RAD54L2: variants seen among roughly 807,000 people sequenced by gnomAD.
The protein encoded by RAD54L2 is RAD54 like 2.
RAD54L2 carries 27 observed loss-of-function variants against 138.4 expected under a neutral mutation model. That is an observed-to-expected ratio of 0.20 (90% confidence interval 0.14 to 0.27). The LOEUF is 0.27. Ranked by LOEUF, RAD54L2 falls within the 10% of genes least tolerant of loss-of-function variation. The pLI, the probability that RAD54L2 is intolerant of heterozygous loss-of-function variation, is 1.00. For missense variants in RAD54L2, 1,396 were observed against 1,890.2 expected (o/e 0.74, Z 4.85); for synonymous variants, 644 against 723.2 (o/e 0.89, Z 1.76).
intron 2 of RAD54L2, among the ~76,000 whole-genome samples, chr3:51,553,960 C>CT (rs942017809): frequency 6.6e-6 from 1 of 152,150 alleles, no homozygotes; most frequent in African/African-American, 2.4e-5. Flanking sequence ...TAACAATCAC[C>CT]TGAGCCTTCA....
intron 3 of RAD54L2, among the ~76,000 whole-genome samples, chr3:51,623,393 C>T (rs567191894): frequency 1.1e-4 from 17 of 152,242 alleles, no homozygotes; most frequent in Non-Finnish European, 2.4e-4. Context: ...TGCTCCCAGA[C>T]CATTCAATGT....
Position 51,594,860 on chromosome 3 carries a change from C to CTTTTTTT in RAD54L2, c.139+4326_139+4332dup. On this transcript the variant is annotated intron_variant, in intron 3 of 22. Coordinates refer to ENST00000684192, the MANE Select transcript of RAD54L2 (RefSeq NM_015106.4). Reference sequence around the variant, plus strand: ...ATAGGCAACATGGAATTGATGGGCGCTTTTTTTTTTTTTTTTTTTTTTTTT... The same window carrying CTTTTTTT: ...ATAGGCAACATGGAATTGATGGGCGCTTTTTTTTTTTTTTTTTTTTTTTTTTTTTTTT... Among the ~76,000 whole-genome samples the CTTTTTTT allele has an allele frequency of 4.2e-4, 14 of 33,600 alleles. 4 individuals are homozygous for CTTTTTTT. Among genetic ancestry groups the CTTTTTTT allele is most frequent in the Non-Finnish European group, 7.2e-4 (13 of 18,170 alleles). The allele number at this position is 33,600 out of a possible 152,430, so 22.0% of individuals were successfully genotyped here.
chr3:51,585,452 G>T (rs1035004992), intron 2 of RAD54L2, among the ~76,000 whole-genome samples: 1 of 152,150 alleles, frequency 6.6e-6, no homozygotes, highest in African/African-American at 2.4e-5. Flanking sequence ...CGTCTGCTTT[G>T]TGAACAAAGG....
At chr3:51,648,130 C>T (rs1701332584) in intron 19 of RAD54L2, among the ~76,000 whole-genome samples, 3 of 152,226 alleles carry the variant, frequency 2.0e-5, no homozygotes, top group Admixed American at 1.3e-4. Context: ...GCAAACGGCA[C>T]ACCAGGAGAT....
At chr3:51,603,994 G>A (rs1042309657) in intron 3 of RAD54L2, among the ~76,000 whole-genome samples, 1 of 152,206 alleles carries the variant, frequency 6.6e-6, no homozygotes, top group Non-Finnish European at 1.5e-5. Flanking sequence ...GGATAAAGTA[G>A]GGAAACCAGC....
rs1577447954 is a variant in RAD54L2 at position 51,637,611 on chromosome 3, C to T, written c.1682+108C>T. The T allele has an allele frequency of 1.0e-5, 11 of 1,090,448 alleles. No homozygotes were observed. The East Asian group carries it at 2.1e-4, about 21-fold the overall frequency. 67.5% of individuals were successfully genotyped at this position (1,090,448 alleles called of 1,614,324 possible). ...GGGTGTTGGAGTAGGAGGGCCCCTT[C>T]CCTGGGGCAGTAGTAAAACTTTGCT... is the stretch of plus-strand genomic sequence containing the variant. On this transcript the variant is annotated intron_variant, in intron 11 of 22. Coordinates refer to ENST00000684192, the MANE Select transcript of RAD54L2 (RefSeq NM_015106.4). This position sits in a 1 kb window ranked among gnomAD's most constrained non-coding sequence, Gnocchi z 5.9.
rs1457518294 is a variant in RAD54L2 at position 51,562,355 on chromosome 3, C to T, written c.-55+20705C>T. Among the ~76,000 whole-genome samples, 6 of 152,302 alleles carry T rather than the reference C, an allele frequency of 3.9e-5. No individual in the cohort carries two copies. The East Asian group carries it at 1.2e-3, about 29-fold the overall frequency. ...CAAGCAATTCTCCCGCCTCAGCCTC[C>T]CAAGTAGCTGGGATTACAGGCACCC... is the stretch of plus-strand genomic sequence containing the variant. On this transcript the variant is annotated intron_variant, in intron 2 of 22. Transcript: ENST00000684192.
chr3:51,594,334 A>G (rs867680197), intron 3 of RAD54L2, among the ~76,000 whole-genome samples: 3 of 151,994 alleles, frequency 2.0e-5, no homozygotes, highest in South Asian at 2.1e-4. Context: ...TGGCCTCCCA[A>G]AGTGCTGGGA....
intron 3 of RAD54L2, among the ~76,000 whole-genome samples, chr3:51,602,425 C>T (rs1453022385): frequency 6.6e-6 from 1 of 152,204 alleles, no homozygotes; most frequent in Non-Finnish European, 1.5e-5. Context: ...TACGTGACTA[C>T]TCTCCAGCCC....
At position 51,645,884 on chromosome 3, in the gene RAD54L2, A is replaced by G. The variant is rs1009581698; in HGVS notation, c.2829+121A>G. 7.2e-6 allele frequency: 8 copies of G among 1,117,904 alleles called. No homozygotes were observed. The highest frequency in any genetic ancestry group is 8.7e-6 in the Non-Finnish European group (7 of 800,576). 69.2% of individuals were successfully genotyped at this position (1,117,904 alleles called of 1,614,324 possible). On this transcript the variant is annotated intron_variant, in intron 18 of 22. Transcript: ENST00000684192. The surrounding 1 kb of genome is among the most constrained non-coding windows in gnomAD (Gnocchi z 6.1). ...TCATGCAGGTGACTTGGACTCAAGG[A>G]CTTCTTTTTCTTGCCCCACTCAGTC...
intron 7 of RAD54L2, 115 bp downstream of exon 7, chr3:51,631,046 C>A: frequency 2.0e-6 from 2 of 1,013,810 alleles, no homozygotes; most frequent in Non-Finnish European, 2.9e-6. Flanking sequence ...GTACCAAGAG[C>A]AGCTTGTTCA....
intron 3 of RAD54L2, among the ~76,000 whole-genome samples, chr3:51,594,322 C>G (rs988783043): frequency 2.0e-5 from 3 of 152,132 alleles, no homozygotes; most frequent in Admixed American, 2.0e-4. Flanking sequence ...ATCCTCCTGC[C>G]TTGGCCTCCC....
intron 1 of RAD54L2, among the ~76,000 whole-genome samples, chr3:51,539,712 A>G (rs567425637): frequency 3.3e-5 from 5 of 152,248 alleles, no homozygotes; most frequent in African/African-American, 1.2e-4. Context: ...TGGGAGATGA[A>G]CAAGGAAACT....
intron 21 of RAD54L2, among the ~76,000 whole-genome samples, chr3:51,658,313 T>G (rs1701661763): frequency 2.0e-5 from 3 of 151,756 alleles, no homozygotes; most frequent in Non-Finnish European, 4.4e-5. Flanking sequence ...AGCGGTGGAA[T>G]GGGTTATAAG....
Position 51,638,854 on chromosome 3 carries a change from CAA to C in RAD54L2, c.1860+534_1860+535del, listed in dbSNP as rs950465278. 3 of 158,876 alleles carry C rather than the reference CAA, an allele frequency of 1.9e-5. No homozygotes were observed. The highest frequency in any genetic ancestry group is 7.2e-5 in the African/African-American group (3 of 41,442). The allele number at this position is 158,876 out of a possible 1,614,324, so 9.8% of individuals were successfully genotyped here. The stretch of plus-strand genomic sequence containing the variant: ...TCAGCAGAAGGTATGTGTCTGGGGA[CAA>C]GAGGGGTTTCCAAATATTTCTTTTA... On this transcript the variant is annotated intron_variant, in intron 12 of 22. Coordinates refer to ENST00000684192, the MANE Select transcript of RAD54L2 (RefSeq NM_015106.4). This position sits in a 1 kb window ranked among gnomAD's most constrained non-coding sequence, Gnocchi z 4.3.
chr3:51,569,634 G>T (rs1281615056), intron 2 of RAD54L2, among the ~76,000 whole-genome samples: 1 of 151,990 alleles, frequency 6.6e-6, no homozygotes, highest in African/African-American at 2.4e-5. Context: ...CGCCTGCCTT[G>T]GCCTCCCAAA....
At chr3:51,584,557 G>A (rs1475994106) in intron 2 of RAD54L2, among the ~76,000 whole-genome samples, 1 of 151,064 alleles carries the variant, frequency 6.6e-6, no homozygotes, top group African/African-American at 2.4e-5. Context: ...AGTCCATAGT[G>A]GATCTCTCAG....
Position 51,639,658 on chromosome 3 carries a change from C to G in RAD54L2, c.2100C>G (p.Val700=), listed in dbSNP as rs951439458. Residue 700 remains valine, a synonymous_variant, in exon 13 of 23, where the codon GTC becomes GTG. Coordinates refer to ENST00000684192, the MANE Select transcript of RAD54L2 (RefSeq NM_015106.4). ...TCCAGGAGCGAGGCAACAACATTGT[C>G]ACATATGAATGGGTGAGTCAAGCAG... ...NPFQERGNNI[V]TYEWAKDLLT... is the part of the protein sequence containing the mutation. The G allele has an allele frequency of 6.2e-7, 1 of 1,613,570 alleles. No individual in the cohort carries two copies. The highest frequency in any genetic ancestry group is 1.7e-5 in the Admixed American group (1 of 59,952).
At chr3:51,597,002 T>C (rs963621379) in intron 3 of RAD54L2, among the ~76,000 whole-genome samples, 1 of 151,802 alleles carries the variant, frequency 6.6e-6, no homozygotes, top group Non-Finnish European at 1.5e-5. Flanking sequence ...CCATTTCTAC[T>C]AAAAATACAA....
Sources: gnomAD v4.1 joint callset for allele counts (sites outside exome capture counted in the v4.1 genomes callset) on GRCh38, gnomAD v4.1.1 for gene constraint, Gnocchi (gnomAD v3.1) non-coding constraint, MANE v1.5 for transcripts, NCBI Gene and HGNC (gene_info 2026-07-23, HGNC 2026-07-21) for gene names.